The following TUBB8 variants were observed in gnomAD, a reference collection of about 807,000 sequenced individuals.
The protein encoded by TUBB8 is tubulin beta 8 class VIII.
In TUBB8, 25 loss-of-function variants were observed where a neutral mutation model predicts 33.7. That is an observed-to-expected ratio of 0.74 (90% CI 0.54 to 1.04). TUBB8 has a LOEUF of 1.04. TUBB8 is among the 50% of genes least tolerant of loss of function. The pLI, the probability that TUBB8 is intolerant of heterozygous loss-of-function variation, is 0.00. For missense variants in TUBB8, 279 were observed against 608.0 expected (o/e 0.46, Z 5.69); for synonymous variants, 245 against 240.1 (o/e 1.02, Z -0.19).
chr10:60,397 C>A (rs1397759908), intron 1 of TUBB8, among the ~76,000 whole-genome samples: 1 of 152,002 alleles, frequency 6.6e-6, no homozygotes, highest in African/African-American at 2.4e-5. Flanking sequence ...ACAAACAACT[C>A]CATCAAAAAG....
chr10:63,142 T>G (rs4881370), intron 1 of TUBB8, among the ~76,000 whole-genome samples: 2 of 150,866 alleles, frequency 1.3e-5, no homozygotes, highest in Non-Finnish European at 2.9e-5. Flanking sequence ...GGCACAATCT[T>G]GGCTCACTGC....
rs1554737927 is a variant in TUBB8 at position 47,035 on chromosome 10, C to T, written c.*22G>A. The T allele has an allele frequency of 3.8e-6, 3 of 781,840 alleles. No homozygotes were observed. The highest frequency in any genetic ancestry group is 4.3e-5 in the Admixed American group (2 of 46,400). The allele number at this position is 781,840 out of a possible 1,614,324, so 48.4% of individuals were successfully genotyped here. On this transcript the variant is annotated 3_prime_UTR_variant, in exon 4 of 4. Coordinates refer to ENST00000568584, the MANE Select transcript of TUBB8 (RefSeq NM_177987.3). ...GTAAAGAATCCACACTGCTTCCCCC[C>T]TTTACCTAGAAAAGGAGAGTTCTAG...
upstream of TUBB8, among the ~76,000 whole-genome samples, chr10:53,714 T>C (rs1289214998): frequency 6.6e-6 from 1 of 152,258 alleles, no homozygotes; most frequent in Non-Finnish European, 1.5e-5. Context: ...CTGAGAGCTA[T>C]GGCTCAGGAT....
chr10:57,616 T>A (rs74872159), intron 1 of TUBB8, among the ~76,000 whole-genome samples: 2 of 149,956 alleles, frequency 1.3e-5, no homozygotes, highest in African/African-American at 2.4e-5. Context: ...GGCCAATTTG[T>A]GCTACACCTG....
At chr10:73,930 C>G (rs535230783) in intron 1 of TUBB8, 1 of 154,304 alleles carries the variant, frequency 6.5e-6, no homozygotes, top group Non-Finnish European at 1.5e-5. Context: ...GCGCTCGCCC[C>G]GCTGCACTCG....
Position 47,316 on chromosome 10 carries a change from C to G in TUBB8, c.1076G>C (p.Arg359Pro). The G allele has an allele frequency of 6.2e-7, 1 of 1,613,642 alleles. No individual in the cohort carries two copies. The highest frequency in any genetic ancestry group is 8.5e-7 in the Non-Finnish European group (1 of 1,180,010). ...GAAGGTGGCTGACATTTTTAGCCCC[C>G]GGGGTGGGATGTCACAGACGGCTGT... Reference protein sequence around the residue: ...VKTAVCDIPPRGLKMSATFIG... With the variant: ...VKTAVCDIPPPGLKMSATFIG... The change falls in exon 4 of 4, where the codon CGG becomes CCG. Residue 359 changes from arginine (R) to proline (P), a missense_variant. Coordinates refer to ENST00000568584, the MANE Select transcript of TUBB8 (RefSeq NM_177987.3).
In TUBB8 at chr10:47,902, T is replaced by A; in HGVS notation, c.490A>T (p.Ile164Leu). 2 of 1,614,204 alleles carry A rather than the reference T, an allele frequency of 1.2e-6. No homozygotes were observed. Residue 164 changes from isoleucine (I) to leucine (L), a missense_variant, in exon 4 of 4, where the codon ATA becomes TTA. This residue lies in a region of TUBB8 where 96 missense variants were observed against 233.7 expected (regional missense o/e 0.41). Transcript: ENST00000568584. ...GAGGGCAGGATGCTGAATGTGTTTA[T>A]GATCCTGTCTGGGTACTCCTCCCGG... ...KIREEYPDRIINTFSILPSPK... is the reference protein window; with the variant it reads ...KIREEYPDRILNTFSILPSPK...
chr10:57,522 G>A (rs548803234), intron 1 of TUBB8, among the ~76,000 whole-genome samples: 1 of 152,316 alleles, frequency 6.6e-6, no homozygotes, highest in African/African-American at 2.4e-5. Context: ...CTTGCATTTT[G>A]TACACTCACA....
intron 1 of TUBB8, among the ~76,000 whole-genome samples, chr10:70,656 A>T (rs11253262): frequency 6.6e-6 from 1 of 152,158 alleles, no homozygotes; most frequent in East Asian, 1.9e-4. Context: ...CATGGCCAAC[A>T]TGGCAAAACC....
chr10:54,999 A>T (rs368448288), intron 1 of TUBB8, among the ~76,000 whole-genome samples: 1 of 152,132 alleles, frequency 6.6e-6, no homozygotes, highest in African/African-American at 2.4e-5. Context: ...CTCGTGATCC[A>T]CCCACCGCTG....
intron 1 of TUBB8, among the ~76,000 whole-genome samples, chr10:65,036 T>C (rs1834652945): frequency 6.7e-6 from 1 of 150,338 alleles, no homozygotes; most frequent in Non-Finnish European, 1.5e-5. Flanking sequence ...TGTTCCCAGC[T>C]ACTTGGAAGG....
exon 1 of TUBB8, chr10:74,005 CCT>C (rs1369043521): frequency 1.3e-5 from 2 of 157,028 alleles, no homozygotes; most frequent in Admixed American, 1.3e-4. Flanking sequence ...GCAGCGTCTC[CCT>C]GTCCTCACAG....
rs375116222 is a variant in TUBB8, at chr10:47,195, C to G, written c.1197G>C (p.Thr399=). 3 of 1,612,224 alleles carry G rather than the reference C, an allele frequency of 1.9e-6. No homozygotes were observed. The highest frequency in any genetic ancestry group is 1.7e-5 in the Admixed American group (1 of 59,960). ...FRRKAFLHWY[T]GEGMDEMEFT... is the part of the protein sequence containing the mutation. Reference sequence around the variant, plus strand: ...ATTCCATCTCATCCATGCCCTCGCCCGTGTACCAGTGGAGGAAGGCCTTGC... The same window carrying G: ...ATTCCATCTCATCCATGCCCTCGCCGGTGTACCAGTGGAGGAAGGCCTTGC... Residue 399 remains threonine (T), a synonymous_variant, in exon 4 of 4, where the codon ACG becomes ACC. Coordinates refer to ENST00000568584, the MANE Select transcript of TUBB8 (RefSeq NM_177987.3).
At chr10:66,582 T>G (rs1834673633) in intron 1 of TUBB8, among the ~76,000 whole-genome samples, 1 of 151,828 alleles carries the variant, frequency 6.6e-6, no homozygotes, top group Non-Finnish European at 1.5e-5. Flanking sequence ...CCAGGAGGTT[T>G]AGGCTGCAAT....
intron 1 of TUBB8, among the ~76,000 whole-genome samples, chr10:55,703 A>G (rs1834521938): frequency 6.6e-6 from 1 of 152,250 alleles, no homozygotes; most frequent in Non-Finnish European, 1.5e-5. Context: ...TCTTCTGCCT[A>G]TGGCTTGCCA....
At chr10:64,235 G>A (rs1184233093) in intron 1 of TUBB8, among the ~76,000 whole-genome samples, 2 of 152,030 alleles carry the variant, frequency 1.3e-5, no homozygotes, top group African/African-American at 2.4e-5. Flanking sequence ...AAGGCCCACT[G>A]TAACCACAAC....
chr10:62,791 C>T (rs1255123983), intron 1 of TUBB8, among the ~76,000 whole-genome samples: 1 of 151,964 alleles, frequency 6.6e-6, no homozygotes, highest in Non-Finnish European at 1.5e-5. Flanking sequence ...TTTTTTTCTT[C>T]AGCTTTTCTA....
chr10:58,083 A>C (rs554359625), intron 1 of TUBB8, among the ~76,000 whole-genome samples: 1 of 152,334 alleles, frequency 6.6e-6, no homozygotes, highest in East Asian at 1.9e-4. Context: ...CTAAATCATC[A>C]CTTTCAAATT....
upstream of TUBB8, among the ~76,000 whole-genome samples, chr10:75,901 G>A (rs1554743148): frequency 6.6e-6 from 1 of 151,906 alleles, no homozygotes; most frequent in East Asian, 1.9e-4. Context: ...CACTTTGGGA[G>A]GCTAAGGCGG....
Sources: gnomAD v4.1 joint callset for allele counts (sites outside exome capture counted in the v4.1 genomes callset) on GRCh38, gnomAD v4.1.1 for gene constraint, gnomAD v4.1.1 regional missense constraint, MANE v1.5 for transcripts, NCBI Gene and HGNC (gene_info 2026-07-23, HGNC 2026-07-21) for gene names.